The following SMOC2 variants were observed in gnomAD, a reference collection of about 807,000 sequenced individuals.
SMOC2 encodes the protein SPARC related modular calcium binding 2, also known as SPARC-related modular calcium-binding protein 2.
Under a neutral mutation model 61.4 loss-of-function variants are expected in SMOC2, and 39 were observed. That is an observed-to-expected ratio of 0.64 (90% CI 0.49 to 0.83). The LOEUF (loss-of-function observed/expected upper bound fraction) is 0.83. Among genes scored for constraint, SMOC2 ranks in the 40% least tolerant of loss-of-function variants. SMOC2 has a pLI of 0.00. For synonymous variants in SMOC2, 247 were observed against 239.9 expected, an observed-to-expected ratio of 1.03 and a Z score of -0.27; for missense variants, 556 against 592.9, an observed-to-expected ratio of 0.94 and a Z score of 0.65.
intron 1 of SMOC2, among the ~76,000 whole-genome samples, chr6:168,496,026 T>A (rs1782581741): frequency 6.6e-6 from 1 of 152,230 alleles, no homozygotes. Flanking sequence ...TCCCTCAAAA[T>A]CCTCTGTACT....
intron 9 of SMOC2, among the ~76,000 whole-genome samples, chr6:168,649,783 A>G (rs1787145894): frequency 6.6e-6 from 1 of 152,202 alleles, no homozygotes; most frequent in Non-Finnish European, 1.5e-5. Flanking sequence ...TCTCTATGCC[A>G]AAAGGGCATC....
intron 1 of SMOC2, among the ~76,000 whole-genome samples, chr6:168,509,029 G>T (rs1164221488): frequency 2.0e-5 from 3 of 151,578 alleles, no homozygotes; most frequent in African/African-American, 4.9e-5. Flanking sequence ...GTTTCGTCTG[G>T]CCTGATGGAG....
intron 2 of SMOC2, among the ~76,000 whole-genome samples, chr6:168,524,134 C>T (rs1297211264): frequency 6.6e-6 from 1 of 152,038 alleles, no homozygotes; most frequent in Non-Finnish European, 1.5e-5. Context: ...CAATTTTGTG[C>T]CTCTCGGTAG....
intron 9 of SMOC2, among the ~76,000 whole-genome samples, chr6:168,638,579 A>G (rs1786806841): frequency 6.6e-6 from 1 of 152,178 alleles, no homozygotes; most frequent in South Asian, 2.1e-4. Flanking sequence ...CCGCTCAGAG[A>G]GGAGCTCAGC....
At chr6:168,525,773 G>A (rs1045423097) in intron 2 of SMOC2, among the ~76,000 whole-genome samples, 1 of 152,158 alleles carries the variant, frequency 6.6e-6, no homozygotes. Flanking sequence ...GACGAGCCAC[G>A]CTCTCCTCTC....
At chr6:168,464,467 GA>G (rs1396488731) in intron 1 of SMOC2, among the ~76,000 whole-genome samples, 1 of 152,114 alleles carries the variant, frequency 6.6e-6, no homozygotes, top group East Asian at 1.9e-4. Flanking sequence ...TTTCCACTGT[GA>G]AAGGGTAGAC....
rs1332438126 is a variant in SMOC2 at position 168,452,085 on chromosome 6, G to A, written c.84+10631G>A. ...GGGAGGGTCGCATGGTGGGGTCTGGGGTTACCACCACCAGCAAAGTTTCTG... is the reference window on the plus strand; with the variant it reads ...GGGAGGGTCGCATGGTGGGGTCTGGAGTTACCACCACCAGCAAAGTTTCTG... On this transcript the variant is annotated intron_variant, in intron 1 of 12. Coordinates refer to ENST00000356284, the MANE Select transcript of SMOC2 (RefSeq NM_001166412.2). This position sits in a 1 kb window ranked among gnomAD's most constrained non-coding sequence, Gnocchi z 5.0. Among the ~76,000 whole-genome samples, 1 of 152,152 alleles carries A rather than the reference G, an allele frequency of 6.6e-6. No homozygotes were observed. Among genetic ancestry groups the A allele is most frequent in the African/African-American group, 2.4e-5 (1 of 41,426 alleles).
At chr6:168,492,762 G>A (rs1441394622) in intron 1 of SMOC2, among the ~76,000 whole-genome samples, 2 of 152,228 alleles carry the variant, frequency 1.3e-5, no homozygotes, top group East Asian at 3.8e-4. Flanking sequence ...TACCTGTCCT[G>A]ACGCTCTCCC....
Position 168,449,124 on chromosome 6 carries a change from T to A in SMOC2, c.84+7670T>A, listed in dbSNP as rs373917864. 3.2e-4 allele frequency among the ~76,000 whole-genome samples: 48 copies of A among 152,332 alleles called. 1 individual carries two copies. In the South Asian group the frequency reaches 9.7e-3, roughly 31 times the overall value. On this transcript the variant is annotated intron_variant, in intron 1 of 12. Coordinates refer to ENST00000356284, the MANE Select transcript of SMOC2 (RefSeq NM_001166412.2). ...GAACGCAGACCTGCCTGTGGCTCCC[T>A]GTGTCCAGCTTCTGTTGTCTGATTC... is the stretch of plus-strand genomic sequence containing the variant.
intron 7 of SMOC2, among the ~76,000 whole-genome samples, chr6:168,572,177 C>G (rs369866655): frequency 5.8e-5 from 3 of 51,416 alleles, no homozygotes; most frequent in Non-Finnish European, 6.5e-5. Flanking sequence ...TTCATTTCCT[C>G]CCCGCATCTC....
intron 10 of SMOC2, among the ~76,000 whole-genome samples, chr6:168,651,678 C>A (rs1266233347): frequency 6.6e-6 from 1 of 152,010 alleles, no homozygotes; most frequent in East Asian, 1.9e-4. Context: ...TGTCTGTCTG[C>A]TAAAGAAGAC....
chr6:168,647,527 A>G (rs1197927446), intron 9 of SMOC2, among the ~76,000 whole-genome samples: 2 of 152,218 alleles, frequency 1.3e-5, no homozygotes, highest in Non-Finnish European at 1.5e-5. Context: ...ACCGTGCCGG[A>G]CACAGCTGTC....
chr6:168,519,672 G>T (rs536272156), intron 2 of SMOC2, among the ~76,000 whole-genome samples: 1 of 152,140 alleles, frequency 6.6e-6, no homozygotes, highest in Non-Finnish European at 1.5e-5. Flanking sequence ...CAGAGCAGGG[G>T]CCTCTCCGCA....
chr6:168,627,611 A>G (rs1786448527), intron 9 of SMOC2, among the ~76,000 whole-genome samples: 1 of 152,144 alleles, frequency 6.6e-6, no homozygotes, highest in Non-Finnish European at 1.5e-5. Flanking sequence ...CAATGGAGTG[A>G]TATATTGCTT....
intron 7 of SMOC2, among the ~76,000 whole-genome samples, chr6:168,559,548 T>A (rs1206359469): frequency 6.6e-6 from 1 of 152,132 alleles, no homozygotes; most frequent in Non-Finnish European, 1.5e-5. Context: ...TCCATGGTCT[T>A]CCCATCAGTT....
intron 3 of SMOC2, among the ~76,000 whole-genome samples, chr6:168,526,740 T>G (rs1783463793): frequency 6.6e-6 from 1 of 152,208 alleles, no homozygotes; most frequent in African/African-American, 2.4e-5. Context: ...GGAAGCTTCC[T>G]TAGTGAGGCC....
chr6:168,524,538 T>C (rs1783409225), intron 2 of SMOC2, among the ~76,000 whole-genome samples: 1 of 152,252 alleles, frequency 6.6e-6, no homozygotes, highest in Non-Finnish European at 1.5e-5. Flanking sequence ...TGTTCCATGA[T>C]AGCTCAAATA....
In SMOC2 at chr6:168,661,893, G is replaced by A. The variant is rs533631320; in HGVS notation, c.1286-2181G>A. 2.7e-4 allele frequency among the ~76,000 whole-genome samples: 41 copies of A among 152,166 alleles called. 1 individual carries two copies. The highest frequency in any genetic ancestry group is 4.9e-4 in the Non-Finnish European group (33 of 68,026). On this transcript the variant is annotated intron_variant, in intron 11 of 12. Coordinates refer to ENST00000356284, the MANE Select transcript of SMOC2 (RefSeq NM_001166412.2). ...GTAGAGGAACAGCAGCACTCATTTT[G>A]GCACTTAGACCATTGAAACCAACTA...
chr6:168,645,800 C>G (rs1244258558), intron 9 of SMOC2, among the ~76,000 whole-genome samples: 1 of 152,182 alleles, frequency 6.6e-6, no homozygotes, highest in South Asian at 2.1e-4. Context: ...AGGTGGCTGA[C>G]CTGTCCCCCT....
Sources: gnomAD v4.1 joint callset for allele counts (sites outside exome capture counted in the v4.1 genomes callset) on GRCh38, gnomAD v4.1.1 for gene constraint, Gnocchi (gnomAD v3.1) non-coding constraint, MANE v1.5 for transcripts, NCBI Gene and HGNC (gene_info 2026-07-23, HGNC 2026-07-21) for gene names.